CCDC6: variants seen among roughly 807,000 people sequenced by gnomAD.
CCDC6 encodes coiled-coil domain-containing protein 6.
In CCDC6, 20 loss-of-function variants were observed where a neutral mutation model predicts 56.6. The ratio of observed to expected loss-of-function variants is 0.35; its 90% CI spans 0.25 to 0.51. The LOEUF (loss-of-function observed/expected upper bound fraction) is 0.51. Ranked by LOEUF, CCDC6 falls within the 20% of genes least tolerant of loss-of-function variation. The probability of loss-of-function intolerance (pLI) is 0.95; values close to 1 mark genes in which losing one functional copy is unlikely to be tolerated. For synonymous variants in CCDC6, 241 were observed against 234.4 expected, an observed-to-expected ratio of 1.03 and a Z score of -0.26; for missense variants, 367 against 601.1, an observed-to-expected ratio of 0.61 and a Z score of 4.07.
rs1018962270 is a variant in CCDC6, at chr10:59,818,707, G to A, written c.583-3952C>T. ...GAGTTGGTGCCCCATCCAGGATTGG[G>A]TCCTGCTTTGTGCCCTGAGCTGCCA... On this transcript the variant is annotated intron_variant, in intron 3 of 8. Coordinates refer to ENST00000263102, the MANE Select transcript of CCDC6 (RefSeq NM_005436.5). 2.0e-5 allele frequency among the ~76,000 whole-genome samples: 3 copies of A among 152,114 alleles called. No homozygotes were observed. The East Asian group carries it at 5.8e-4, about 29-fold the overall frequency.
rs74592754 is a variant in CCDC6 at position 59,868,742 on chromosome 10, T to C, written c.304-16040A>G. Among the ~76,000 whole-genome samples the C allele has an allele frequency of 4.0e-3, 602 of 152,292 alleles. 3 individuals carry two copies. The highest frequency in any genetic ancestry group is 0.014 in the African/African-American group (564 of 41,558). ...TTTGAGATTCTGGAACTTTGGTACA[T>C]GCTAAGCAGAGCCAGCCCCCAGTAA... is the stretch of plus-strand genomic sequence containing the variant. On this transcript the variant is annotated intron_variant, in intron 1 of 8. Coordinates refer to ENST00000263102, the MANE Select transcript of CCDC6 (RefSeq NM_005436.5).
chr10:59,807,760 C>T (rs2070638754), intron 5 of CCDC6, among the ~76,000 whole-genome samples: 1 of 152,000 alleles, frequency 6.6e-6, no homozygotes, highest in Non-Finnish European at 1.5e-5. Flanking sequence ...AGGAGGGAGG[C>T]CCAGATTCTG....
In CCDC6 at chr10:59,874,118, A is replaced by AACACACACACACAC. The variant is rs55812153; in HGVS notation, c.304-21430_304-21417dup. 3.7e-3 allele frequency among the ~76,000 whole-genome samples: 556 copies of AACACACACACACAC among 148,688 alleles called. 3 individuals carry two copies. Among genetic ancestry groups the AACACACACACACAC allele is most frequent in the African/African-American group, 8.3e-3 (334 of 40,250 alleles). On this transcript the variant is annotated intron_variant, in intron 1 of 8. Coordinates refer to ENST00000263102, the MANE Select transcript of CCDC6 (RefSeq NM_005436.5). ...CATTTCCTTACACATTTACCTAGCAAACACACACACACACACACACACACA... is the reference window on the plus strand; with the variant it reads ...CATTTCCTTACACATTTACCTAGCAAACACACACACACACACACACACACACACACACACACACA...
At chr10:59,881,497 T>C (rs2132675061) in intron 1 of CCDC6, among the ~76,000 whole-genome samples, 1 of 152,326 alleles carries the variant, frequency 6.6e-6, no homozygotes, top group South Asian at 2.1e-4. Context: ...GAGGGCCTAC[T>C]AAAATTTCAG....
Position 59,804,455 on chromosome 10 carries a change from G to T in CCDC6, c.1070C>A (p.Thr357Lys). Residue 357 changes from threonine (T) to lysine (K), a missense_variant, in exon 7 of 9, where the codon ACA becomes AAA. Physicochemically the swap from Thr to Lys is moderately conservative, Grantham distance 78. Transcript: ENST00000263102. ...PRTVSSPIPY[T>K]PSPSSSRPIS... is the part of the protein sequence containing the mutation. Reference sequence around the variant, plus strand: ...AGGCCTGCTTGAACTCGGAGAAGGTGTGTAAGGGATCGGGCTGGACACAGT... The same window carrying T: ...AGGCCTGCTTGAACTCGGAGAAGGTTTGTAAGGGATCGGGCTGGACACAGT... 1 of 1,612,994 alleles carries T rather than the reference G, an allele frequency of 6.2e-7. No individual in the cohort carries two copies. The highest frequency in any genetic ancestry group is 8.5e-7 in the Non-Finnish European group (1 of 1,178,988).
chr10:59,808,569 T>G (rs1450787380), intron 5 of CCDC6, among the ~76,000 whole-genome samples: 1 of 152,224 alleles, frequency 6.6e-6, no homozygotes, highest in Non-Finnish European at 1.5e-5. Context: ...AAGTAAAATC[T>G]CCATATACTT....
intron 2 of CCDC6, among the ~76,000 whole-genome samples, chr10:59,845,283 T>G (rs1450418777): frequency 6.6e-6 from 1 of 151,126 alleles, no homozygotes; most frequent in African/African-American, 2.4e-5. Context: ...CTACTTTTTC[T>G]CACATTTTAT....
chr10:59,899,848 A>C (rs1054403238), intron 1 of CCDC6, among the ~76,000 whole-genome samples: 2 of 152,226 alleles, frequency 1.3e-5, no homozygotes, highest in Non-Finnish European at 2.9e-5. Flanking sequence ...AAGGTAGCCC[A>C]CATCACCCAA....
At chr10:59,862,551 A>C (rs2071141425) in intron 1 of CCDC6, among the ~76,000 whole-genome samples, 1 of 117,642 alleles carries the variant, frequency 8.5e-6, no homozygotes, top group South Asian at 2.7e-4. Context: ...ACACACACAC[A>C]CACACATATA....
chr10:59,887,396 G>C (rs1280955560), intron 1 of CCDC6, among the ~76,000 whole-genome samples: 2 of 151,660 alleles, frequency 1.3e-5, no homozygotes, highest in Non-Finnish European at 2.9e-5. Context: ...TCAAGGTGAC[G>C]GTGACATTTT....
chr10:59,805,912 CAG>C (rs1268184201), intron 6 of CCDC6, among the ~76,000 whole-genome samples: 4 of 152,114 alleles, frequency 2.6e-5, no homozygotes, highest in Non-Finnish European at 5.9e-5. Context: ...ATAATAGAAA[CAG>C]AGTACAGATG....
At chr10:59,900,414 G>A (rs1285168736) in intron 1 of CCDC6, among the ~76,000 whole-genome samples, 1 of 152,190 alleles carries the variant, frequency 6.6e-6, no homozygotes, top group Non-Finnish European at 1.5e-5. Context: ...GCACCATTGA[G>A]GAGCCAGAGG....
chr10:59,858,077 C>G (rs1400602223), intron 1 of CCDC6, among the ~76,000 whole-genome samples: 1 of 152,140 alleles, frequency 6.6e-6, no homozygotes, highest in Non-Finnish European at 1.5e-5. Flanking sequence ...ATGGGTTTAT[C>G]AACACCAACC....
chr10:59,896,840 T>G (rs1405188689), intron 1 of CCDC6, among the ~76,000 whole-genome samples: 1 of 152,184 alleles, frequency 6.6e-6, no homozygotes, highest in Non-Finnish European at 1.5e-5. Context: ...ATGTTGTGTA[T>G]GTTTTTATCA....
At chr10:59,883,137 C>T (rs1431609777) in intron 1 of CCDC6, among the ~76,000 whole-genome samples, 2 of 152,088 alleles carry the variant, frequency 1.3e-5, no homozygotes, top group East Asian at 3.9e-4. Flanking sequence ...GGGTCCATTG[C>T]CCACTGTGGT....
intron 1 of CCDC6, among the ~76,000 whole-genome samples, chr10:59,876,423 A>G (rs2071281190): frequency 6.6e-6 from 1 of 152,010 alleles, no homozygotes; most frequent in Non-Finnish European, 1.5e-5. Context: ...ATTTGCCGTC[A>G]CCATTCTGTC....
At chr10:59,796,174 T>G (rs2070516473) in intron 7 of CCDC6, among the ~76,000 whole-genome samples, 1 of 152,200 alleles carries the variant, frequency 6.6e-6, no homozygotes, top group African/African-American at 2.4e-5. Flanking sequence ...CCATTCTAAC[T>G]GGTGTAAGAT....
chr10:59,817,334 C>T (rs1564740911), intron 3 of CCDC6, among the ~76,000 whole-genome samples: 1 of 152,100 alleles, frequency 6.6e-6, no homozygotes, highest in Non-Finnish European at 1.5e-5. Flanking sequence ...GCACACACCA[C>T]CACACCTGGT....
At chr10:59,796,008 G>T (rs1589032110) in intron 7 of CCDC6, among the ~76,000 whole-genome samples, 1 of 152,090 alleles carries the variant, frequency 6.6e-6, no homozygotes, top group African/African-American at 2.4e-5. Context: ...GGGATGGCTG[G>T]GTCAAATGGT....
Sources: allele counts gnomAD v4.1 joint callset (sites outside exome capture counted in the v4.1 genomes callset), GRCh38; gene constraint gnomAD v4.1.1; transcripts MANE v1.5; gene names NCBI Gene and HGNC (gene_info 2026-07-23, HGNC 2026-07-21).